The following CDH1 variants were observed in gnomAD, a reference collection of about 807,000 sequenced individuals.
CDH1 encodes the protein cadherin-1.
Under a neutral mutation model 84.5 loss-of-function variants are expected in CDH1, and 35 were observed. The observed-to-expected ratio is 0.41, with a 90% CI of 0.32 to 0.55. The LOEUF (loss-of-function observed/expected upper bound fraction) is 0.55, where lower values mean the gene tolerates loss of function less well. Ranked by LOEUF, CDH1 falls within the 20% of genes least tolerant of loss-of-function variation. The pLI, the probability that CDH1 is intolerant of heterozygous loss-of-function variation, is 0.19. For synonymous variants in CDH1, 417 were observed against 439.0 expected (o/e 0.95, Z 0.63); for missense variants, 994 against 1,126.6 (o/e 0.88, Z 1.68).
At chr16:68,776,508 A>G (rs1959736442) in intron 2 of CDH1, among the ~76,000 whole-genome samples, 1 of 152,152 alleles carries the variant, frequency 6.6e-6, no homozygotes, top group East Asian at 1.9e-4. Flanking sequence ...TATTTTACTT[A>G]GTAAAATCTC....
intron 2 of CDH1, among the ~76,000 whole-genome samples, chr16:68,770,788 C>A (rs1009470089): frequency 1.3e-5 from 2 of 151,478 alleles, no homozygotes; most frequent in African/African-American, 2.4e-5. Flanking sequence ...GTGGAGTGGG[C>A]AAGAGGCCCA....
intron 2 of CDH1, among the ~76,000 whole-genome samples, chr16:68,789,998 G>A (rs1167836409): frequency 5.3e-5 from 8 of 152,192 alleles, no homozygotes; most frequent in South Asian, 2.1e-4. Flanking sequence ...AGAGGTTGCC[G>A]TGAGCCAAGA....
At chr16:68,828,404 T>G in intron 14 of CDH1, 100 bp downstream of exon 14, 1 of 1,261,020 alleles carries the variant, frequency 7.9e-7, no homozygotes, top group Non-Finnish European at 1.2e-6. Context: ...TGAATCACTT[T>G]GGATATTATC....
In CDH1 at chr16:68,771,713, C is replaced by G. The variant is rs113492647; in HGVS notation, c.164-29957C>G. Among the ~76,000 whole-genome samples, 212 of 150,894 alleles carry G rather than the reference C, an allele frequency of 1.4e-3. 1 individual carries two copies. Among genetic ancestry groups the G allele is most frequent in the African/African-American group, 4.8e-3 (197 of 41,080 alleles). On this transcript the variant is annotated intron_variant, in intron 2 of 15. Transcript: ENST00000261769. Reference sequence around the variant, plus strand: ...GTTGCAGTGAGCCGAGATCGCACCACTACACTCCAGCCTGGCGACAGAGCA... The same window carrying G: ...GTTGCAGTGAGCCGAGATCGCACCAGTACACTCCAGCCTGGCGACAGAGCA...
intron 2 of CDH1, among the ~76,000 whole-genome samples, chr16:68,800,253 C>T (rs4783686): frequency 1.3e-5 from 2 of 151,790 alleles, no homozygotes; most frequent in African/African-American, 2.4e-5. Context: ...AACCATGAGA[C>T]TAACCCATGT....
rs1378118630 is a variant in CDH1, at chr16:68,743,363, C to CT, written c.163+4956dup. Among the ~76,000 whole-genome samples the CT allele has an allele frequency of 2.8e-4, 27 of 94,986 alleles. 1 individual carries two copies. Among genetic ancestry groups the CT allele is most frequent in the African/African-American group, 1.1e-3 (25 of 23,660 alleles). 62.3% of individuals were successfully genotyped at this position (94,986 alleles called of 152,430 possible). A position where few individuals can be genotyped will look rare whatever the true frequency, so the allele number is the denominator to read the frequency against. On this transcript the variant is annotated intron_variant, in intron 2 of 15. Transcript: ENST00000261769. ...TCTTTCTTTCTTTCTTTCTTTCTTTCTTTTCTTTTCTTTCTTTTGAGACGG... is the reference window on the plus strand; with the variant it reads ...TCTTTCTTTCTTTCTTTCTTTCTTTCTTTTTCTTTTCTTTCTTTTGAGACGG...
At chr16:68,755,259 G>C (rs1962987224) in intron 2 of CDH1, among the ~76,000 whole-genome samples, 1 of 138,850 alleles carries the variant, frequency 7.2e-6, no homozygotes. Flanking sequence ...TTCCAGCCTG[G>C]GTGACAGGGC....
chr16:68,758,331 A>G (rs924011768), intron 2 of CDH1, among the ~76,000 whole-genome samples: 4 of 149,978 alleles, frequency 2.7e-5, no homozygotes, highest in Non-Finnish European at 5.9e-5. Context: ...CAAAGGGGAT[A>G]AACATAGCCC....
chr16:68,784,713 A>G (rs1321508223), intron 2 of CDH1, among the ~76,000 whole-genome samples: 1 of 151,646 alleles, frequency 6.6e-6, no homozygotes, highest in Non-Finnish European at 1.5e-5. Context: ...TTGGATCCTC[A>G]TAGCTTAGCT....
intron 10 of CDH1, among the ~76,000 whole-genome samples, chr16:68,817,859 A>G (rs1158686866): frequency 6.6e-6 from 1 of 152,196 alleles, no homozygotes; most frequent in Non-Finnish European, 1.5e-5. Flanking sequence ...CAAGGTTGCT[A>G]TAAAGGACAT....
chr16:68,756,694 T>C (rs990157446), intron 2 of CDH1, among the ~76,000 whole-genome samples: 8 of 152,236 alleles, frequency 5.3e-5, no homozygotes, highest in Non-Finnish European at 8.8e-5. Flanking sequence ...AACTTTTGCC[T>C]TCTTGTCTCA....
At position 68,834,251 on chromosome 16, in the gene CDH1, C is replaced by T. The variant is rs1321369350; in HGVS notation, c.*752C>T. The T allele has an allele frequency of 2.0e-6, 1 of 509,926 alleles. No homozygotes were observed. The highest frequency in any genetic ancestry group is 4.4e-5 in the East Asian group (1 of 22,872). The allele number at this position is 509,926 out of a possible 1,614,324, so 31.6% of individuals were successfully genotyped here. A position where few individuals can be genotyped will look rare whatever the true frequency, so the allele number is the denominator to read the frequency against. On this transcript the variant is annotated 3_prime_UTR_variant, in exon 16 of 16. Coordinates refer to ENST00000261769, the MANE Select transcript of CDH1 (RefSeq NM_004360.5). Reference sequence around the variant, plus strand: ...TTACAGACATGAGCCACTGCACCTGCCCAGCTCCCCAACTCCCTGCCATTT... The same window carrying T: ...TTACAGACATGAGCCACTGCACCTGTCCAGCTCCCCAACTCCCTGCCATTT...
intron 2 of CDH1, among the ~76,000 whole-genome samples, chr16:68,792,878 C>G (rs1960247275): frequency 2.0e-5 from 3 of 152,340 alleles, no homozygotes; most frequent in East Asian, 1.9e-4. Flanking sequence ...GGACTTTGCT[C>G]CCTGCTTCCC....
chr16:68,830,499 G>T (rs1375857733), intron 15 of CDH1, among the ~76,000 whole-genome samples: 1 of 152,112 alleles, frequency 6.6e-6, no homozygotes, highest in East Asian at 1.9e-4. Context: ...TAGAAAAATA[G>T]AATCTGTATT....
chr16:68,828,584 G>A (rs992576636), intron 14 of CDH1, among the ~76,000 whole-genome samples: 2 of 152,184 alleles, frequency 1.3e-5, no homozygotes, highest in African/African-American at 2.4e-5. Flanking sequence ...GCTAGGAAGC[G>A]ACAGGGCTAA....
chr16:68,791,517 T>G (rs771775218), intron 2 of CDH1, among the ~76,000 whole-genome samples: 2 of 151,202 alleles, frequency 1.3e-5, no homozygotes, highest in African/African-American at 2.4e-5. Context: ...CGACCTCCTG[T>G]GCTCAGGTGA....
intron 2 of CDH1, chr16:68,765,464 G>A (rs1420217743): frequency 6.6e-6 from 1 of 152,288 alleles, no homozygotes; most frequent in Non-Finnish European, 1.5e-5. Flanking sequence ...GGGATTACAG[G>A]CGTGAGCCAC....
chr16:68,748,006 C>T (rs917393276), intron 2 of CDH1, among the ~76,000 whole-genome samples: 1 of 152,092 alleles, frequency 6.6e-6, no homozygotes, highest in Non-Finnish European at 1.5e-5. Context: ...TCAAGCAATC[C>T]ACCTGCCTCG....
chr16:68,779,235 ACTG>A (rs1959810140), intron 2 of CDH1, among the ~76,000 whole-genome samples: 3 of 152,112 alleles, frequency 2.0e-5, no homozygotes, highest in Admixed American at 2.0e-4. Context: ...TCCTGGGAAA[ACTG>A]CTCCCATCTG....
Sources: allele counts gnomAD v4.1 joint callset (sites outside exome capture counted in the v4.1 genomes callset), GRCh38; gene constraint gnomAD v4.1.1; transcripts MANE v1.5; gene names NCBI Gene and HGNC (gene_info 2026-07-23, HGNC 2026-07-21).